TREML1: variants seen among roughly 807,000 people sequenced by gnomAD.
TREML1 encodes the protein trem-like transcript 1 protein.
Under a neutral mutation model 22.8 loss-of-function variants are expected in TREML1, and 27 were observed. The observed-to-expected ratio is 1.19, with a 90% CI of 0.87 to 1.64. The LOEUF is 1.64. TREML1 is among the 40% of genes most tolerant of loss of function. The probability of loss-of-function intolerance (pLI) is 0.00; values close to 1 mark genes in which losing one functional copy is unlikely to be tolerated. For missense variants in TREML1, 356 were observed against 382.0 expected, an observed-to-expected ratio of 0.93 and a Z score of 0.57; for synonymous variants, 153 against 161.9, an observed-to-expected ratio of 0.94 and a Z score of 0.42.
chr6:41,151,675 C>T, intron 2 of TREML1: 1 of 425,822 alleles, frequency 2.3e-6, no homozygotes, highest in South Asian at 2.4e-5. Flanking sequence ...TTCCCTTTTA[C>T]CTGCTCTACC....
In TREML1 at chr6:41,154,268, C is replaced by G. The variant is rs1166978591; in HGVS notation, c.21G>C (p.Leu7Phe). MGLTLL[L>F]LLLLGLEGQG... ...TACCTTCTAGTCCCAGGAGCAGCAG[C>G]AAGAGCAGGGTGAGGCCCATGGCTG... The change falls in exon 1 of 6, where the codon TTG (leucine) becomes TTC (phenylalanine). Residue 7 changes from leucine to phenylalanine, a missense_variant. Physicochemically the swap from Leu to Phe is conservative, Grantham distance 22. Transcript: ENST00000426005. The G allele has an allele frequency of 1.2e-6, 2 of 1,614,100 alleles. No homozygotes were observed. The highest frequency in any genetic ancestry group is 2.2e-5 in the South Asian group (2 of 91,078).
intron 2 of TREML1, among the ~76,000 whole-genome samples, chr6:41,153,294 T>C (rs771373551): frequency 6.8e-6 from 1 of 146,836 alleles, no homozygotes; most frequent in South Asian, 2.3e-4. Flanking sequence ...ACATACTAGA[T>C]GGCCTGTGAA....
intron 2 of TREML1, among the ~76,000 whole-genome samples, chr6:41,152,218 GC>G (rs766129575): frequency 6.6e-6 from 1 of 152,136 alleles, no homozygotes. Flanking sequence ...CTATTAGGCT[GC>G]CTTTGACCAC....
intron 4 of TREML1, among the ~76,000 whole-genome samples, 193 bp downstream of exon 4, chr6:41,150,625 GA>G (rs1765220725): frequency 2.0e-5 from 3 of 151,962 alleles, no homozygotes; most frequent in Non-Finnish European, 4.4e-5. Flanking sequence ...TCTTTCTGCA[GA>G]CTGCTCCCAT....
In TREML1 at chr6:41,149,628, A is replaced by G. The variant is rs1400841832; in HGVS notation, c.912T>C (p.Pro304=). The change falls in exon 6 of 6, where the codon CCT becomes CCC. Residue 304 remains proline (P), a synonymous_variant. Coordinates refer to ENST00000426005, the MANE Select transcript of TREML1 (RefSeq NM_178174.4). ...CTTAGCTGGATGGAGTCTGATTGTT[A>G]GGTGGATTCTGGGCTGGCCCACACG... is the stretch of plus-strand genomic sequence containing the variant. ...GTSCGPAQNP[P]NNQTPSS The G allele has an allele frequency of 1.2e-6, 2 of 1,613,026 alleles. No individual in the cohort carries two copies. The highest frequency in any genetic ancestry group is 4.5e-5 in the East Asian group (2 of 44,844).
intron 2 of TREML1, among the ~76,000 whole-genome samples, chr6:41,153,160 A>G (rs1765314516): frequency 6.6e-6 from 1 of 151,508 alleles, no homozygotes; most frequent in Admixed American, 6.6e-5. Context: ...CTGCAAAAAC[A>G]GTGTCTTTAA....
rs78872847 is a variant in TREML1, at chr6:41,151,201, G to T, written c.479+81C>A. ...GGAAGAATCATAGGTTTTCCCCTTC[G>T]ATTTAGTTTGGAGCTCTAAACAAGT... On this transcript the variant is annotated intron_variant, in intron 3 of 5. Transcript: ENST00000426005. 60 of 1,254,826 alleles carry T rather than the reference G, an allele frequency of 4.8e-5. No individual in the cohort carries two copies. The Middle Eastern group carries it at 7.4e-4, about 16-fold the overall frequency. 77.7% of individuals were successfully genotyped at this position (1,254,826 alleles called of 1,614,324 possible).
chr6:41,150,114 G>T, intron 5 of TREML1, 147 bp downstream of exon 5: 2 of 1,017,260 alleles, frequency 2.0e-6, no homozygotes, highest in Non-Finnish European at 1.4e-6. Context: ...GAGACCATTA[G>T]TGTCAAGTTT....
intron 3 of TREML1, among the ~76,000 whole-genome samples, 169 bp from the exon 4 acceptor site, chr6:41,151,076 A>G (rs571559057): frequency 6.6e-6 from 1 of 152,354 alleles, no homozygotes; most frequent in Admixed American, 6.5e-5. Flanking sequence ...TCATTAAGGT[A>G]TCCTGGCTGA....
At position 41,149,491 on chromosome 6, in the gene TREML1, C is replaced by T; in HGVS notation, c.*113G>A. ...GTAAAGTTAGGACATTGGATTAGAT[C>T]TTAAAGTCCCTGGTTGCTCAGATAT... is the stretch of plus-strand genomic sequence containing the variant. On this transcript the variant is annotated 3_prime_UTR_variant, in exon 6 of 6. Coordinates refer to ENST00000426005, the MANE Select transcript of TREML1 (RefSeq NM_178174.4). 2 of 1,184,412 alleles carry T rather than the reference C, an allele frequency of 1.7e-6. No individual in the cohort carries two copies. The highest frequency in any genetic ancestry group is 2.2e-4 in the Middle Eastern group (1 of 4,454). 73.4% of individuals were successfully genotyped at this position (1,184,412 alleles called of 1,614,324 possible).
chr6:41,150,323 C>T lies in TREML1; in HGVS notation c.569-10G>A. On this transcript the variant is annotated splice_polypyrimidine_tract_variant and intron_variant, in intron 4 of 5. Transcript: ENST00000426005. The stretch of plus-strand genomic sequence containing the variant: ...ACACCAAGCCTGTTCCCTGGCAGGA[C>T]AGACAACAGCAGCATAGTCTGCTTC... 12 of 1,613,862 alleles carry T rather than the reference C, an allele frequency of 7.4e-6. No homozygotes were observed. The highest frequency in any genetic ancestry group is 1.0e-5 in the Non-Finnish European group (12 of 1,179,896).
At position 41,149,741 on chromosome 6, in the gene TREML1, G is replaced by A. The variant is rs201747288; in HGVS notation, c.799C>T (p.Pro267Ser). The A allele has an allele frequency of 6.8e-6, 11 of 1,614,070 alleles. No homozygotes were observed. Among genetic ancestry groups the A allele is most frequent in the Non-Finnish European group, 8.5e-6 (10 of 1,180,046 alleles). ...CAGACCAGGACCTTAGGAGGTAGAG[G>A]GGGCAATGAGGATGGAGCTGGGAGT... is the stretch of plus-strand genomic sequence containing the variant. ...PSLPAPSSLP[P>S]LPPKVLVCSK... Residue 267 changes from proline to serine, a missense_variant, in exon 6 of 6, where the codon CCT (proline) becomes TCT (serine). Physicochemically the swap from Pro to Ser is moderately conservative, Grantham distance 74. Coordinates refer to ENST00000426005, the MANE Select transcript of TREML1 (RefSeq NM_178174.4).
In TREML1 at chr6:41,151,359, A is replaced by C; in HGVS notation, c.402T>G (p.Ile134Met). 1 of 1,614,146 alleles carries C rather than the reference A, an allele frequency of 6.2e-7. No homozygotes were observed. Among genetic ancestry groups the C allele is most frequent in the Non-Finnish European group, 8.5e-7 (1 of 1,180,024 alleles). The change falls in exon 3 of 6, where the codon ATT (isoleucine) becomes ATG (methionine). Residue 134 changes from isoleucine (I) to methionine (M), a missense_variant. Transcript: ENST00000426005. Reference sequence around the variant, plus strand: ...AGAATGCGTTCTCAGCCAGACTGCCAATCTTATGGGTCTCTTCTTCTTCCT... The same window carrying C: ...AGAATGCGTTCTCAGCCAGACTGCCCATCTTATGGGTCTCTTCTTCTTCCT... ...PPEEEEETHK[I>M]GSLAENAFSD...
At chr6:41,149,314 G>C, downstream of TREML1, 1 of 319,490 alleles carries the variant, frequency 3.1e-6, no homozygotes, top group Middle Eastern at 8.7e-4. Flanking sequence ...AACTTGGGCA[G>C]TTTCCTTTCC....
rs1397060466 is a variant in TREML1, at chr6:41,154,055, G to A, written c.79C>T (p.Gln27Ter). The change falls in exon 2 of 6, where the codon CAG becomes TAG. Residue 27 changes from glutamine (Q) to a stop codon, truncating the protein, a stop_gained. Transcript: ENST00000426005. LOFTEE classifies it high-confidence loss of function. ...GIVGSLPEVL[Q>*]APVGSSILVQ... ...AGAATGGAGCTTCCCACGGGTGCCTGCAGCACCTCAGGGAGGCTGCCAACT... is the reference window on the plus strand; with the variant it reads ...AGAATGGAGCTTCCCACGGGTGCCTACAGCACCTCAGGGAGGCTGCCAACT... The A allele has an allele frequency of 6.2e-7, 1 of 1,613,930 alleles. No homozygotes were observed. Among genetic ancestry groups the A allele is most frequent in the South Asian group, 1.1e-5 (1 of 91,084 alleles).
At chr6:41,153,159 C>T (rs1443005829) in intron 2 of TREML1, among the ~76,000 whole-genome samples, 1 of 150,230 alleles carries the variant, frequency 6.7e-6, no homozygotes, top group Non-Finnish European at 1.5e-5. Flanking sequence ...CCTGCAAAAA[C>T]AGTGTCTTTA....
intron 5 of TREML1, 28 bp from the exon 6 acceptor site, chr6:41,149,946 T>G (rs1765202172): frequency 6.9e-6 from 11 of 1,594,440 alleles, no homozygotes; most frequent in Admixed American, 3.4e-5. Flanking sequence ...AAGTCAGGAA[T>G]GCCTCCCTCT....
At chr6:41,150,712 G>A (rs1765222201) in intron 4 of TREML1, 107 bp downstream of exon 4, 4 of 1,025,382 alleles carry the variant, frequency 3.9e-6, no homozygotes, top group Non-Finnish European at 6.0e-6. Context: ...TTAAGCCCAG[G>A]CAAATCCATT....
intron 3 of TREML1, 25 bp from the exon 4 acceptor site, chr6:41,150,932 G>A: frequency 6.2e-7 from 1 of 1,607,444 alleles, no homozygotes; most frequent in Non-Finnish European, 8.5e-7. Flanking sequence ...GGGATAGGCA[G>A]GCTTAGACCT....
Sources: gnomAD v4.1 joint callset for allele counts (sites outside exome capture counted in the v4.1 genomes callset) on GRCh38, gnomAD v4.1.1 for gene constraint, MANE v1.5 for transcripts, NCBI Gene and HGNC (gene_info 2026-07-23, HGNC 2026-07-21) for gene names.